The following SVEP1 variants were observed in gnomAD, a reference collection of about 807,000 sequenced individuals.
The protein encoded by SVEP1 is sushi, von Willebrand factor type A, EGF and pentraxin domain-containing protein 1.
A neutral mutation model predicts 367.3 loss-of-function variants in SVEP1; 164 were observed. That is an observed-to-expected ratio of 0.45 (90% confidence interval 0.39 to 0.51). SVEP1 has a LOEUF of 0.51. Among genes scored for constraint, SVEP1 ranks in the 20% least tolerant of loss-of-function variants. The pLI, the probability that SVEP1 is intolerant of heterozygous loss-of-function variation, is 0.00. For missense variants in SVEP1, 4,117 were observed against 4,425.3 expected (o/e 0.93, Z 1.98); for synonymous variants, 1,666 against 1,611.6 (o/e 1.03, Z -0.81).
chr9:110,401,078 A>C, intron 39 of SVEP1, 69 bp from the exon 40 acceptor site: 1 of 1,566,926 alleles, frequency 6.4e-7, no homozygotes, highest in South Asian at 1.2e-5. Flanking sequence ...AAATTTGCAA[A>C]TATTGGTTAT....
chr9:110,476,047 T>G, intron 14 of SVEP1, 157 bp downstream of exon 14: 1 of 534,076 alleles, frequency 1.9e-6, no homozygotes, highest in Non-Finnish European at 3.3e-6. Flanking sequence ...ATAACCTTAA[T>G]GATCTTTCAG....
In SVEP1 at chr9:110,425,227, A is replaced by G. The variant is rs2075216264; in HGVS notation, c.5975+2364T>C. Among the ~76,000 whole-genome samples the G allele has an allele frequency of 2.0e-5, 3 of 152,074 alleles. No individual in the cohort carries two copies. In the South Asian group the frequency reaches 6.2e-4, roughly 31 times the overall value. ...GTGGTAGTGATTTGGGACTATGTGT[A>G]CTTCATATTAATTTGATTAGCTAGC... On this transcript the variant is annotated intron_variant, in intron 36 of 47. Coordinates refer to ENST00000374469, the MANE Select transcript of SVEP1 (RefSeq NM_153366.4).
chr9:110,403,004 C>T (rs1203285179), intron 39 of SVEP1, among the ~76,000 whole-genome samples: 1 of 151,988 alleles, frequency 6.6e-6, no homozygotes, highest in Non-Finnish European at 1.5e-5. Flanking sequence ...TAATTTAATC[C>T]TTTCAATTAT....
chr9:110,482,273 A>T (rs1829203232), intron 11 of SVEP1, 88 bp downstream of exon 11: 1 of 1,364,818 alleles, frequency 7.3e-7, no homozygotes. Flanking sequence ...TAATGCTCAT[A>T]GCCTATTTTC....
intron 9 of SVEP1, among the ~76,000 whole-genome samples, chr9:110,486,940 T>C (rs908151746): frequency 6.7e-6 from 1 of 148,462 alleles, no homozygotes. Context: ...CCACCACACC[T>C]GGACCTTCTC....
intron 47 of SVEP1, chr9:110,369,685 G>A (rs1202097606): frequency 4.4e-6 from 2 of 452,796 alleles, no homozygotes; most frequent in Non-Finnish European, 7.8e-6. Flanking sequence ...TATATGTGCT[G>A]CTGAAGTGAG....
rs761279222 is a variant in SVEP1 at position 110,411,048 on chromosome 9, T to G, written c.6648+15A>C. 34 of 1,535,776 alleles carry G rather than the reference T, an allele frequency of 2.2e-5. No homozygotes were observed. The South Asian group carries it at 4.0e-4, about 18-fold the overall frequency. On this transcript the variant is annotated intron_variant, in intron 37 of 47. Coordinates refer to ENST00000374469, the MANE Select transcript of SVEP1 (RefSeq NM_153366.4). ...GTGACAAAAGCCACAGACCATTTGCTAATTGGTCTCTTACCTCCAGAAAGC... is the reference window on the plus strand; with the variant it reads ...GTGACAAAAGCCACAGACCATTTGCGAATTGGTCTCTTACCTCCAGAAAGC...
intron 31 of SVEP1, 133 bp from the exon 32 acceptor site, chr9:110,432,167 T>A: frequency 9.1e-7 from 1 of 1,101,882 alleles, no homozygotes; most frequent in Non-Finnish European, 1.3e-6. Flanking sequence ...AATTTAAATA[T>A]AACAGTCATA....
At chr9:110,496,546 TC>T (rs1379504422) in intron 8 of SVEP1, among the ~76,000 whole-genome samples, 1 of 152,196 alleles carries the variant, frequency 6.6e-6, no homozygotes, top group East Asian at 1.9e-4. Context: ...ACTATCGGCT[TC>T]CCCACTTCTG....
In SVEP1 at chr9:110,459,024, C is replaced by A. The variant is rs1564148803; in HGVS notation, c.3412G>T (p.Ala1138Ser). The change falls in exon 19 of 48, where the codon GCC becomes TCC. Residue 1138 changes from alanine to serine, a missense_variant. Physicochemically the swap from Ala to Ser is moderately conservative, Grantham distance 99. Transcript: ENST00000374469. Reference protein sequence around the residue: ...RDYYQPNAGKAFCLACPFYGT... With the variant: ...RDYYQPNAGKSFCLACPFYGT... Reference sequence around the variant, plus strand: ...TAAAAGGGACAGGCCAGGCAGAAGGCCTTCCCTGCATTAGGTTGGTAATAG... The same window carrying A: ...TAAAAGGGACAGGCCAGGCAGAAGGACTTCCCTGCATTAGGTTGGTAATAG... The A allele has an allele frequency of 1.2e-6, 2 of 1,613,856 alleles. No individual in the cohort carries two copies. The highest frequency in any genetic ancestry group is 1.7e-6 in the Non-Finnish European group (2 of 1,179,788).
At position 110,548,602 on chromosome 9, in the gene SVEP1, G is replaced by A. The variant is rs1019474609; in HGVS notation, c.787+1247C>T. ...ACGTCAGCTAGTAGGTAACAAAATC[G>A]GGATTTAAATCCAGACATTCTGGAT... is the stretch of plus-strand genomic sequence containing the variant. On this transcript the variant is annotated intron_variant, in intron 2 of 47. Coordinates refer to ENST00000374469, the MANE Select transcript of SVEP1 (RefSeq NM_153366.4). Among the ~76,000 whole-genome samples, 9 of 152,110 alleles carry A rather than the reference G, an allele frequency of 5.9e-5. No individual in the cohort carries two copies. The East Asian group carries it at 9.7e-4, about 16-fold the overall frequency.
chr9:110,474,416 C>T (rs79504905), intron 14 of SVEP1, among the ~76,000 whole-genome samples: 2,624 of 152,210 alleles, frequency 0.017, 27 homozygotes, highest in South Asian at 0.026. Flanking sequence ...AATGTTACAC[C>T]GATCTTGTGA....
At chr9:110,483,425 A>G (rs771790207) in intron 10 of SVEP1, among the ~76,000 whole-genome samples, 161 bp downstream of exon 10, 51 of 152,354 alleles carry the variant, frequency 3.3e-4, no homozygotes, top group South Asian at 1.0e-3. Flanking sequence ...ATAATGTTAA[A>G]TTATAATTAT....
intron 1 of SVEP1, among the ~76,000 whole-genome samples, chr9:110,569,474 A>G (rs896739366): frequency 6.6e-6 from 1 of 151,294 alleles, no homozygotes; most frequent in Non-Finnish European, 1.5e-5. Flanking sequence ...AAAAAAAAAA[A>G]TTTGAGGCTA....
chr9:110,475,972 T>A, intron 14 of SVEP1: 1 of 399,372 alleles, frequency 2.5e-6, no homozygotes, highest in East Asian at 5.1e-5. Context: ...GTTTTCTTAG[T>A]TTTTGTCATT....
chr9:110,371,883 T>C (rs1433517041), intron 46 of SVEP1, among the ~76,000 whole-genome samples: 2 of 152,246 alleles, frequency 1.3e-5, no homozygotes, highest in African/African-American at 4.8e-5. Context: ...TTGTAAGTCT[T>C]GCTTTCTTCC....
chr9:110,483,482 G>C, intron 10 of SVEP1, 104 bp downstream of exon 10: 1 of 607,428 alleles, frequency 1.6e-6, no homozygotes. Flanking sequence ...ATTCTCCCTA[G>C]ACAGTTGTTA....
chr9:110,437,146 G>C (rs531663348), intron 27 of SVEP1, among the ~76,000 whole-genome samples: 1 of 152,002 alleles, frequency 6.6e-6, no homozygotes, highest in Non-Finnish European at 1.5e-5. Context: ...TCCTTGCCCC[G>C]TCTTCTCTTT....
intron 40 of SVEP1, among the ~76,000 whole-genome samples, chr9:110,399,837 AC>A (rs1476755085): frequency 1.3e-5 from 2 of 152,126 alleles, no homozygotes; most frequent in African/African-American, 4.8e-5. Context: ...CCCAGCCAAA[AC>A]CTACCTTTAA....
Sources: allele counts gnomAD v4.1 joint callset (sites outside exome capture counted in the v4.1 genomes callset), GRCh38; gene constraint gnomAD v4.1.1; transcripts MANE v1.5; gene names NCBI Gene and HGNC (gene_info 2026-07-23, HGNC 2026-07-21).